Variants in BMPR1B observed in about 807,000 individuals in gnomAD.
The protein encoded by BMPR1B is bone morphogenetic protein receptor type-1B.
A neutral mutation model predicts 59.1 loss-of-function variants in BMPR1B; 12 were observed. That is an observed-to-expected ratio of 0.20 (90% CI 0.13 to 0.33). BMPR1B has a LOEUF of 0.33. Among genes scored for constraint, BMPR1B ranks in the 10% least tolerant of loss-of-function variants. The pLI, the probability that BMPR1B is intolerant of heterozygous loss-of-function variation, is 1.00. For missense variants in BMPR1B, 550 were observed against 610.9 expected, an observed-to-expected ratio of 0.90 and a Z score of 1.05; for synonymous variants, 237 against 207.3, an observed-to-expected ratio of 1.14 and a Z score of -1.23.
At chr4:94,943,143 ATTTT>A (rs35195946) in intron 2 of BMPR1B, among the ~76,000 whole-genome samples, 1 of 142,202 alleles carries the variant, frequency 7.0e-6, no homozygotes, top group African/African-American at 2.6e-5. Flanking sequence ...TCCACTCACT[ATTTT>A]TTTTTTTTTT....
chr4:94,898,486 T>A (rs937258484), intron 2 of BMPR1B, among the ~76,000 whole-genome samples: 4 of 151,998 alleles, frequency 2.6e-5, no homozygotes, highest in Admixed American at 6.6e-5. Context: ...AGACTTCTCA[T>A]GAGATCTGAT....
intron 3 of BMPR1B, chr4:95,051,698 C>T: frequency 3.9e-6 from 6 of 1,535,584 alleles, no homozygotes; most frequent in Non-Finnish European, 5.2e-6. Flanking sequence ...TCTGCTGCTG[C>T]AATGGGTTGG....
chr4:94,827,007 TA>T (rs955015517), intron 1 of BMPR1B, among the ~76,000 whole-genome samples: 158 of 152,284 alleles, frequency 1.0e-3, no homozygotes, highest in African/African-American at 3.6e-3. Context: ...TACTGAATTC[TA>T]AAAAATCTGT....
At position 95,134,913 on chromosome 4, in the gene BMPR1B, G is replaced by A. The variant is rs1309583635; in HGVS notation, c.1076+3401G>A. On this transcript the variant is annotated intron_variant, in intron 10 of 12. Coordinates refer to ENST00000515059, the MANE Select transcript of BMPR1B (RefSeq NM_001203.3). ...GGCTTTTGTTGCCATTGCTTTTGGT[G>A]TTTTAGACATGAAGTCCTTGCCCAT... Among the ~76,000 whole-genome samples the A allele has an allele frequency of 2.0e-5, 3 of 152,172 alleles. No homozygotes were observed. In the East Asian group the frequency reaches 5.8e-4, roughly 29 times the overall value.
In BMPR1B at chr4:95,072,902, A is replaced by C. The variant is rs560196613; in HGVS notation, c.-17-31506A>C. Among the ~76,000 whole-genome samples the C allele has an allele frequency of 1.8e-3, 273 of 152,308 alleles. 1 individual carries two copies. Among genetic ancestry groups the C allele is most frequent in the African/African-American group, 6.4e-3 (266 of 41,578 alleles). On this transcript the variant is annotated intron_variant, in intron 3 of 12. Transcript: ENST00000515059. ...ATATTGGAAATTACAGAAAGAGTCT[A>C]TTAAATAAGCATAATCATTTTCTTG...
chr4:94,979,288 A>G (rs756833527), intron 2 of BMPR1B, among the ~76,000 whole-genome samples: 5 of 152,132 alleles, frequency 3.3e-5, no homozygotes, highest in Non-Finnish European at 7.4e-5. Flanking sequence ...TTACAGGTCA[A>G]CTCCAAAGTT....
At chr4:95,135,883 G>T (rs1186271111) in intron 10 of BMPR1B, among the ~76,000 whole-genome samples, 2 of 152,152 alleles carry the variant, frequency 1.3e-5, no homozygotes, top group African/African-American at 4.8e-5. Context: ...GCTTTGGCCA[G>T]AACTTCCAAC....
At chr4:95,052,434 A>G (rs188492030) in intron 3 of BMPR1B, among the ~76,000 whole-genome samples, 1 of 152,196 alleles carries the variant, frequency 6.6e-6, no homozygotes, top group Non-Finnish European at 1.5e-5. Context: ...AAGCTAATGA[A>G]CTGAATATAA....
intron 1 of BMPR1B, among the ~76,000 whole-genome samples, chr4:94,853,343 T>G (rs771222190): frequency 5.3e-5 from 8 of 152,220 alleles, no homozygotes; most frequent in South Asian, 2.1e-4. Flanking sequence ...ATTGTAAAGC[T>G]AAGAATACAA....
intron 8 of BMPR1B, among the ~76,000 whole-genome samples, chr4:95,128,773 T>C (rs560516337): frequency 1.3e-4 from 20 of 152,314 alleles, no homozygotes; most frequent in African/African-American, 4.8e-4. Flanking sequence ...TTCTTGCTTA[T>C]TTTTTATTCA....
rs1414193979 is a variant in BMPR1B at position 95,055,821 on chromosome 4, A to G, written c.-17-48587A>G. ...TAAATGTCTGTACATAGTATAATTC[A>G]AACTTGTAAATTACAAATATATGAA... is the stretch of plus-strand genomic sequence containing the variant. On this transcript the variant is annotated intron_variant, in intron 3 of 12. Transcript: ENST00000515059. 2.0e-5 allele frequency among the ~76,000 whole-genome samples: 3 copies of G among 152,260 alleles called. No individual in the cohort carries two copies. In the East Asian group the frequency reaches 5.8e-4, roughly 29 times the overall value.
chr4:94,933,105 T>A lies in BMPR1B; in HGVS notation c.-113+57205T>A, dbSNP rs201248224. ...TTATATATAAAAGATGTATATATAA[T>A]GCTTTTTATATAATATTCGTATGTA... On this transcript the variant is annotated intron_variant, in intron 2 of 12. Transcript: ENST00000515059. Among the ~76,000 whole-genome samples the A allele has an allele frequency of 2.0e-5, 3 of 152,144 alleles. No homozygotes were observed. In the East Asian group the frequency reaches 5.8e-4, roughly 29 times the overall value.
At chr4:95,148,278 TAGG>T (rs1401340752) in intron 10 of BMPR1B, among the ~76,000 whole-genome samples, 5 of 152,172 alleles carry the variant, frequency 3.3e-5, no homozygotes, top group Non-Finnish European at 4.4e-5. Context: ...GTTTTTAAAA[TAGG>T]AGGGGAAGGA....
In BMPR1B at chr4:94,770,180, G is replaced by GGTTTTTTTTT. The variant is rs771544268; in HGVS notation, c.-183+12112_-183+12113insGTTTTTTTTT. Among the ~76,000 whole-genome samples the GGTTTTTTTTT allele has an allele frequency of 3.5e-3, 368 of 106,094 alleles. 5 individuals are homozygous for GGTTTTTTTTT. The highest frequency in any genetic ancestry group is 7.6e-3 in the African/African-American group (183 of 24,108). The allele number at this position is 106,094 out of a possible 152,430, so 69.6% of individuals were successfully genotyped here. A position where few individuals can be genotyped will look rare whatever the true frequency, so the allele number is the denominator to read the frequency against. ...TTTGTTTGAATTGTCCTTCGTTTCT[G>GGTTTTTTTTT]TGTTTGTTTTTTTTTTTTTTTTTTG... On this transcript the variant is annotated intron_variant, in intron 1 of 12. Transcript: ENST00000515059.
chr4:95,018,421 G>A (rs1184681734), intron 3 of BMPR1B, among the ~76,000 whole-genome samples: 1 of 152,086 alleles, frequency 6.6e-6, no homozygotes, highest in Non-Finnish European at 1.5e-5. Flanking sequence ...TTGCTTTTTA[G>A]AAAGTTAATA....
At chr4:94,833,718 G>A (rs990817369) in intron 1 of BMPR1B, among the ~76,000 whole-genome samples, 2 of 152,124 alleles carry the variant, frequency 1.3e-5, no homozygotes. Flanking sequence ...TGGGTTATTT[G>A]TTTTCTTTCC....
At position 94,900,498 on chromosome 4, in the gene BMPR1B, A is replaced by G. The variant is rs191731912; in HGVS notation, c.-113+24598A>G. Among the ~76,000 whole-genome samples the G allele has an allele frequency of 2.6e-3, 401 of 152,154 alleles. 1 individual carries two copies. Among genetic ancestry groups the G allele is most frequent in the African/African-American group, 8.4e-3 (351 of 41,558 alleles). On this transcript the variant is annotated intron_variant, in intron 2 of 12. Transcript: ENST00000515059. The stretch of plus-strand genomic sequence containing the variant: ...ATGATGATGACTTCAGAAATTTTCA[A>G]TGCCTAGTCTCAGCTAAATACAATG...
chr4:94,909,722 C>T (rs868210307), intron 2 of BMPR1B, among the ~76,000 whole-genome samples: 1 of 151,942 alleles, frequency 6.6e-6, no homozygotes, highest in Non-Finnish European at 1.5e-5. Flanking sequence ...TGAGAAGTTA[C>T]AAGAGTTATA....
intron 3 of BMPR1B, among the ~76,000 whole-genome samples, chr4:95,084,180 T>C (rs1422082060): frequency 6.6e-6 from 1 of 151,566 alleles, no homozygotes; most frequent in Non-Finnish European, 1.5e-5. Context: ...CATTCATACA[T>C]ATATCTAACT....
Sources: allele counts gnomAD v4.1 joint callset (sites outside exome capture counted in the v4.1 genomes callset), GRCh38; gene constraint gnomAD v4.1.1; transcripts MANE v1.5; gene names NCBI Gene and HGNC (gene_info 2026-07-23, HGNC 2026-07-21).